Variants in UBA52 observed in about 807,000 individuals in gnomAD.
UBA52 encodes the protein ubiquitin-ribosomal protein eL40 fusion protein.
In UBA52, 1 loss-of-function variant was observed where a neutral mutation model predicts 15.3. The observed-to-expected ratio is 0.07, with a 90% CI of 0.02 to 0.31. The LOEUF is 0.31. UBA52 is among the 10% of genes least tolerant of loss of function. The pLI, the probability that UBA52 is intolerant of heterozygous loss-of-function variation, is 1.00. For synonymous variants in UBA52, 50 were observed against 58.3 expected (o/e 0.86, Z 0.65); for missense variants, 87 against 168.0 (o/e 0.52, Z 2.66).
chr19:18,573,929 T>C, intron 3 of UBA52, 181 bp downstream of exon 3: 7 of 595,038 alleles, frequency 1.2e-5, no homozygotes, highest in Non-Finnish European at 1.8e-5. Context: ...GGCGGGTGGA[T>C]CACCTGAGGT....
chr19:18,575,846 A>C lies in UBA52; in HGVS notation c.*696A>C, dbSNP rs1282402015. On this transcript the variant is annotated 3_prime_UTR_variant, in exon 5 of 5. Coordinates refer to ENST00000442744, the MANE Select transcript of UBA52 (RefSeq NM_001033930.3). ...ACTACAACCTCTGCCTCCGGGGTTCACATCCTTCTCCTGCCTCAGCCTCCC... is the reference window on the plus strand; with the variant it reads ...ACTACAACCTCTGCCTCCGGGGTTCCCATCCTTCTCCTGCCTCAGCCTCCC... 1.3e-5 allele frequency: 2 copies of C among 152,562 alleles called. No individual in the cohort carries two copies. The highest frequency in any genetic ancestry group is 2.9e-5 in the Non-Finnish European group (2 of 68,424). 9.5% of individuals were successfully genotyped at this position (152,562 alleles called of 1,614,324 possible). A position where few individuals can be genotyped will look rare whatever the true frequency, so the allele number is the denominator to read the frequency against.
chr19:18,573,323 T>C lies in UBA52; in HGVS notation c.23T>C (p.Leu8Pro). The C allele has an allele frequency of 6.2e-7, 1 of 1,614,138 alleles. No homozygotes were observed. The highest frequency in any genetic ancestry group is 8.5e-7 in the Non-Finnish European group (1 of 1,180,018). Residue 8 changes from leucine (L) to proline (P), a missense_variant, in exon 2 of 5, where the codon CTC becomes CCC. Leu to Pro is a moderately conservative substitution (Grantham distance 98). Coordinates refer to ENST00000442744, the MANE Select transcript of UBA52 (RefSeq NM_001033930.3). The part of the protein sequence containing the change: MQIFVKT[L>P]TGKTITLEVE... ...AACATGCAGATCTTTGTGAAGACCC[T>C]CACTGGCAAAACCATCACCCTTGAG... is the stretch of plus-strand genomic sequence containing the variant.
chr19:18,574,659 AG>A (rs1253676327), intron 3 of UBA52, among the ~76,000 whole-genome samples: 3 of 152,122 alleles, frequency 2.0e-5, no homozygotes, highest in Non-Finnish European at 4.4e-5. Flanking sequence ...GACTCCCCCC[AG>A]GGCTCGTGGT....
intron 3 of UBA52, among the ~76,000 whole-genome samples, chr19:18,574,429 C>T (rs1022291400): frequency 2.8e-4 from 43 of 151,858 alleles, no homozygotes; most frequent in African/African-American, 1.0e-3. Flanking sequence ...GCTGGGATTA[C>T]AGGCACCCGC....
intron 2 of UBA52, 81 bp from the exon 3 acceptor site, chr19:18,573,581 G>A: frequency 6.8e-7 from 1 of 1,475,386 alleles, no homozygotes; most frequent in Non-Finnish European, 9.4e-7. Flanking sequence ...GAAACTGGGG[G>A]TAGTGCTGGA....
At chr19:18,565,095 C>T in the UBA52 span, 2 of 1,576,586 alleles carry the variant, frequency 1.3e-6, no homozygotes, top group Non-Finnish European at 1.7e-6. Context: ...GTTTCCTTCA[C>T]ATACCAGGGT....
intron 3 of UBA52, 50 bp from the exon 4 acceptor site, chr19:18,574,820 G>C: frequency 6.2e-7 from 1 of 1,604,746 alleles, no homozygotes; most frequent in Non-Finnish European, 8.5e-7. Flanking sequence ...CCCTGTGACT[G>C]AGGAGCCAGG....
At chr19:18,565,875 AC>A in the UBA52 span, among the ~76,000 whole-genome samples, 2 of 151,974 alleles carry the variant, frequency 1.3e-5, no homozygotes, top group Non-Finnish European at 2.9e-5. Flanking sequence ...TTTAGTAGAG[AC>A]GAGATTTCAC....
upstream of UBA52, chr19:18,567,313 G>T (rs755059842): frequency 1.1e-4 from 96 of 886,028 alleles, no homozygotes; most frequent in Middle Eastern, 4.4e-4. Flanking sequence ...AACCTGGGGT[G>T]GGGGCAGGGT....
intron 3 of UBA52, among the ~76,000 whole-genome samples, chr19:18,574,666 G>A (rs773842158): frequency 1.8e-4 from 28 of 152,204 alleles, no homozygotes; most frequent in Admixed American, 6.5e-4. Context: ...CCCAGGGCTC[G>A]TGGTCAGTGC....
At chr19:18,564,824 C>T in the UBA52 span, 1 of 1,607,516 alleles carries the variant, frequency 6.2e-7, no homozygotes, top group Non-Finnish European at 8.5e-7. Context: ...TTGGGCAGGG[C>T]CCTGAAGCTG....
At chr19:18,574,251 C>T (rs923974753) in intron 3 of UBA52, among the ~76,000 whole-genome samples, 3 of 151,342 alleles carry the variant, frequency 2.0e-5, no homozygotes, top group Middle Eastern at 3.2e-3. Context: ...TTTTTTATCA[C>T]TGCAATAAGG....
At chr19:18,572,713 T>TG in intron 1 of UBA52, 6 of 859,742 alleles carry the variant, frequency 7.0e-6, no homozygotes, top group Non-Finnish European at 8.4e-6. Context: ...GTTCGTGGTT[T>TG]GGGGTCAAGG....
At chr19:18,565,203 A>C in the UBA52 span, 1 of 1,378,662 alleles carries the variant, frequency 7.3e-7, no homozygotes, top group Non-Finnish European at 9.4e-7. Context: ...AAGTTTATTT[A>C]CTGATTGATT....
the UBA52 span, among the ~76,000 whole-genome samples, chr19:18,565,461 T>C: frequency 2.0e-5 from 3 of 152,158 alleles, no homozygotes; most frequent in African/African-American, 7.2e-5. Context: ...CTCGATCTCC[T>C]GACCTCGTGA....
At chr19:18,566,939 G>A, upstream of UBA52, among the ~76,000 whole-genome samples, 1 of 152,238 alleles carries the variant, frequency 6.6e-6, no homozygotes. Flanking sequence ...AGGCCGGCTG[G>A]TGGGCGACTG....
At chr19:18,571,116 G>A (rs906420193), upstream of UBA52, among the ~76,000 whole-genome samples, 1 of 149,162 alleles carries the variant, frequency 6.7e-6, no homozygotes, top group Non-Finnish European at 1.5e-5. Context: ...TTTGAGACCA[G>A]CCTGACCAAC....
At chr19:18,569,024 C>G (rs1226847114), upstream of UBA52, 3 of 236,688 alleles carry the variant, frequency 1.3e-5, no homozygotes, top group Admixed American at 1.5e-4. Flanking sequence ...TGCACAAGCA[C>G]GGTCTCCTCT....
chr19:18,573,636 T>G, intron 2 of UBA52, 26 bp from the exon 3 acceptor site: 1 of 1,612,456 alleles, frequency 6.2e-7, no homozygotes, highest in Non-Finnish European at 8.5e-7. Context: ...CCGCAGAGCC[T>G]CTAACTGAGC....
Sources: gnomAD v4.1 joint callset for allele counts (sites outside exome capture counted in the v4.1 genomes callset) on GRCh38, gnomAD v4.1.1 for gene constraint, MANE v1.5 for transcripts, NCBI Gene and HGNC (gene_info 2026-07-23, HGNC 2026-07-21) for gene names.